The following GSDMC variants were observed in gnomAD, a reference collection of about 807,000 sequenced individuals.
GSDMC encodes gasdermin-C.
In GSDMC, 59 loss-of-function variants were observed where a neutral mutation model predicts 58.0. The observed-to-expected ratio is 1.02, with a 90% CI of 0.82 to 1.26. The LOEUF (loss-of-function observed/expected upper bound fraction) is 1.26. Ranked by LOEUF, GSDMC falls within the 50% of genes most tolerant of loss-of-function variation. The pLI is 0.00. For synonymous variants in GSDMC, 241 were observed against 220.2 expected (o/e 1.09, Z -0.83); for missense variants, 659 against 598.5 (o/e 1.10, Z -1.06).
At position 129,765,736 on chromosome 8, in the gene GSDMC, G is replaced by A. The variant is rs2033834090; in HGVS notation, c.462C>T (p.Asn154=). The A allele has an allele frequency of 1.2e-6, 2 of 1,613,106 alleles. No homozygotes were observed. Among genetic ancestry groups the A allele is most frequent in the Non-Finnish European group, 1.7e-6 (2 of 1,179,070 alleles). The change falls in exon 4 of 14, where the codon AAC becomes AAT. Residue 154 remains asparagine (N), a synonymous_variant. Transcript: ENST00000276708. ...FLKECRRRGD[N]LYVVTEAVEL... ...CAACAGCCTCTGTCACCACGTACAG[G>A]TTGTCCCCTCTCCTCCGGCACTCCT...
rs2130570324 is a variant in GSDMC at position 129,779,475 on chromosome 8, G to A, written c.-4-1884C>T. On this transcript the variant is annotated intron_variant, in intron 1 of 13. Coordinates refer to ENST00000276708, the MANE Select transcript of GSDMC (RefSeq NM_031415.3). ...GGAAGGTAGAGCATGGAGGGTGGGA[G>A]GAGGGAGATGATCAGGAAAAATAAC... Among the ~76,000 whole-genome samples, 2 of 152,242 alleles carry A rather than the reference G, an allele frequency of 1.3e-5. 1 individual carries two copies. Among genetic ancestry groups the A allele is most frequent in the South Asian group, 4.1e-4 (2 of 4,824 alleles).
chr8:129,781,933 C>A (rs1351331417), intron 1 of GSDMC, among the ~76,000 whole-genome samples: 1 of 152,158 alleles, frequency 6.6e-6, no homozygotes, highest in African/African-American at 2.4e-5. Flanking sequence ...CTCCTCATCA[C>A]ATGGATCATT....
the GSDMC span, among the ~76,000 whole-genome samples, chr8:129,720,918 A>G: frequency 2.6e-5 from 4 of 152,208 alleles, no homozygotes; most frequent in African/African-American, 9.6e-5. Context: ...TGAAATAGAT[A>G]CTGGGAAGCC....
chr8:129,751,180 C>G (rs1442133928), intron 10 of GSDMC, among the ~76,000 whole-genome samples: 1 of 152,130 alleles, frequency 6.6e-6, no homozygotes, highest in Non-Finnish European at 1.5e-5. Context: ...TATTATCATG[C>G]AATTTTGCCA....
chr8:129,710,153 A>T, the GSDMC span, among the ~76,000 whole-genome samples: 4 of 152,346 alleles, frequency 2.6e-5, no homozygotes, highest in East Asian at 7.7e-4. Flanking sequence ...AAATGCAAAC[A>T]GTATCTTCCA....
rs1054629287 is a variant in GSDMC at position 129,785,704 on chromosome 8, T to C, written c.-5+307A>G. Among the ~76,000 whole-genome samples the C allele has an allele frequency of 9.9e-5, 15 of 152,258 alleles. 1 individual carries two copies. In the South Asian group the frequency reaches 3.1e-3, roughly 32 times the overall value. ...AGAATTTTCAACAGTTCATGTAAAATTCCTGATGTGACCATTTCAATTCTC... is the reference window on the plus strand; with the variant it reads ...AGAATTTTCAACAGTTCATGTAAAACTCCTGATGTGACCATTTCAATTCTC... On this transcript the variant is annotated intron_variant, in intron 1 of 13. Transcript: ENST00000276708.
At chr8:129,736,648 T>C in the GSDMC span, among the ~76,000 whole-genome samples, 1 of 152,142 alleles carries the variant, frequency 6.6e-6, no homozygotes, top group East Asian at 1.9e-4. Context: ...CTCAAAATAA[T>C]AAGAGCTATT....
At chr8:129,767,475 A>G (rs2033900763) in intron 3 of GSDMC, among the ~76,000 whole-genome samples, 1 of 152,044 alleles carries the variant, frequency 6.6e-6, no homozygotes, top group African/African-American at 2.4e-5. Flanking sequence ...CTGCCTCATG[A>G]AGGAGCCTGA....
the GSDMC span, chr8:129,730,094 T>G: frequency 4.0e-6 from 4 of 998,914 alleles, no homozygotes; most frequent in Non-Finnish European, 5.8e-6. Flanking sequence ...TTTTTAATTC[T>G]TGTAACACTA....
chr8:129,738,738 G>A, the GSDMC span, among the ~76,000 whole-genome samples: 1 of 151,988 alleles, frequency 6.6e-6, no homozygotes, highest in Non-Finnish European at 1.5e-5. Flanking sequence ...ACACCAACAT[G>A]GCTTATGTAT....
At chr8:129,723,517 C>T in the GSDMC span, among the ~76,000 whole-genome samples, 5 of 150,982 alleles carry the variant, frequency 3.3e-5, no homozygotes, top group Admixed American at 1.3e-4. Flanking sequence ...CCACCCGCCT[C>T]GGCCTCCAAA....
intron 1 of GSDMC, among the ~76,000 whole-genome samples, chr8:129,781,736 C>T (rs1372898870): frequency 2.1e-4 from 27 of 129,786 alleles, no homozygotes; most frequent in Non-Finnish European, 4.0e-4. Flanking sequence ...GGTGACAGAG[C>T]GAGACTCCAT....
the GSDMC span, among the ~76,000 whole-genome samples, chr8:129,709,600 A>C: frequency 1.2e-3 from 188 of 150,794 alleles, no homozygotes; most frequent in Middle Eastern, 3.4e-3. Flanking sequence ...TGATAGATAG[A>C]TAGATAGATA....
At chr8:129,771,991 G>A (rs527624205) in intron 3 of GSDMC, among the ~76,000 whole-genome samples, 118 of 152,220 alleles carry the variant, frequency 7.8e-4, no homozygotes, top group African/African-American at 2.7e-3. Context: ...CAGGCCAGGC[G>A]CAGTGGCTCA....
chr8:129,723,655 C>A, the GSDMC span, among the ~76,000 whole-genome samples: 1 of 152,154 alleles, frequency 6.6e-6, no homozygotes, highest in Non-Finnish European at 1.5e-5. Flanking sequence ...ATGAACTGAG[C>A]AAAGCCCTGG....
chr8:129,753,371 GACA>G (rs139298583), intron 6 of GSDMC, among the ~76,000 whole-genome samples: 5,544 of 152,234 alleles, frequency 0.036, 134 homozygotes, highest in Non-Finnish European at 0.048. Context: ...CTAGCTCCTG[GACA>G]ACATCTCTAG....
chr8:129,781,078 T>C (rs1367141764), intron 1 of GSDMC, among the ~76,000 whole-genome samples: 3 of 151,918 alleles, frequency 2.0e-5, no homozygotes, highest in African/African-American at 4.8e-5. Flanking sequence ...AAATATACCA[T>C]CAGTGAAGAT....
chr8:129,750,140 T>C (rs764198424), intron 11 of GSDMC, 21 bp from the exon 12 acceptor site: 3 of 1,517,838 alleles, frequency 2.0e-6, no homozygotes, highest in Non-Finnish European at 1.8e-6. Context: ...CAGGTATTAT[T>C]GTTAATAATA....
At chr8:129,747,813 G>A (rs1330087781), downstream of GSDMC, among the ~76,000 whole-genome samples, 3 of 152,092 alleles carry the variant, frequency 2.0e-5, no homozygotes, top group Non-Finnish European at 2.9e-5. Flanking sequence ...ATTAAGGAGA[G>A]GAGTCAAGGT....
Sources: gnomAD v4.1 joint callset for allele counts (sites outside exome capture counted in the v4.1 genomes callset) on GRCh38, gnomAD v4.1.1 for gene constraint, MANE v1.5 for transcripts, NCBI Gene and HGNC (gene_info 2026-07-23, HGNC 2026-07-21) for gene names.